The following NUMA1 variants were observed in gnomAD, a reference collection of about 807,000 sequenced individuals.
The protein encoded by NUMA1 is nuclear mitotic apparatus protein 1, also known as SP-H antigen.
A neutral mutation model predicts 237.1 loss-of-function variants in NUMA1; 62 were observed. The observed-to-expected ratio is 0.26, with a 90% CI of 0.21 to 0.32. The LOEUF (loss-of-function observed/expected upper bound fraction) is 0.32, where lower values mean the gene tolerates loss of function less well. Ranked by LOEUF, NUMA1 falls within the 10% of genes least tolerant of loss-of-function variation. NUMA1 has a pLI of 1.00. For missense variants in NUMA1, 2,533 were observed against 2,666.5 expected, an observed-to-expected ratio of 0.95 and a Z score of 1.10; for synonymous variants, 1,028 against 1,066.1, an observed-to-expected ratio of 0.96 and a Z score of 0.70.
At chr11:72,038,714 C>T (rs1276448792) in intron 2 of NUMA1, among the ~76,000 whole-genome samples, 4 of 151,996 alleles carry the variant, frequency 2.6e-5, no homozygotes, top group East Asian at 1.9e-4. Flanking sequence ...CAGATCCTTG[C>T]GATTGTAGCC....
chr11:72,009,079 C>T lies in NUMA1; in HGVS notation c.4946G>A (p.Arg1649Gln), dbSNP rs762537230. 8.1e-6 allele frequency: 13 copies of T among 1,613,526 alleles called. No individual in the cohort carries two copies. Among genetic ancestry groups the T allele is most frequent in the African/African-American group, 6.7e-5 (5 of 74,902 alleles). Reference sequence around the variant, plus strand: ...ATGGCCCAGCCGTTCAGCTTCAGCTCGCAGCTCTTTGTTTTCCTTCTGCAG... The same window carrying T: ...ATGGCCCAGCCGTTCAGCTTCAGCTTGCAGCTCTTTGTTTTCCTTCTGCAG... ...EQLQKENKEL[R>Q]AEAERLGHEL... Residue 1649 changes from arginine (R) to glutamine (Q), a missense_variant, in exon 19 of 27, where the codon CGA (arginine) becomes CAA (glutamine). Physicochemically the swap from Arg to Gln is conservative, Grantham distance 43. Coordinates refer to ENST00000393695, the MANE Select transcript of NUMA1 (RefSeq NM_006185.4).
At chr11:72,060,474 T>C (rs1942882221) in intron 2 of NUMA1, among the ~76,000 whole-genome samples, 1 of 151,974 alleles carries the variant, frequency 6.6e-6, no homozygotes, top group African/African-American at 2.4e-5. Context: ...CGAGATTCCA[T>C]CTCTACAAAA....
At chr11:72,008,392 A>G (rs927180471) in intron 20 of NUMA1, 1 of 443,992 alleles carries the variant, frequency 2.3e-6, no homozygotes. Context: ...CTCACATCTC[A>G]GCTTAGTCAG....
intron 3 of NUMA1, among the ~76,000 whole-genome samples, chr11:72,031,584 C>T (rs1257285520): frequency 1.3e-5 from 2 of 152,058 alleles, no homozygotes; most frequent in African/African-American, 4.8e-5. Flanking sequence ...TGCTTGAGGC[C>T]AGGAGTTCAA....
chr11:72,012,155 T>C (rs954055406), intron 16 of NUMA1: 1 of 501,370 alleles, frequency 2.0e-6, no homozygotes. Flanking sequence ...CCCTTGTCCC[T>C]GATAGGCAAA....
intron 2 of NUMA1, among the ~76,000 whole-genome samples, chr11:72,038,572 T>C (rs1941306140): frequency 1.3e-5 from 2 of 152,174 alleles, no homozygotes; most frequent in South Asian, 2.1e-4. Flanking sequence ...GTCTTCTACA[T>C]TGGGACTATA....
Position 72,009,441 on chromosome 11 carries a change from C to CT in NUMA1, c.4720-55dup, listed in dbSNP as rs1389108750. 2.0e-6 allele frequency: 3 copies of CT among 1,533,822 alleles called. No homozygotes were observed. In the African/African-American group the frequency reaches 4.1e-5, roughly 21 times the overall value. ...GGTCTGGCCGCTCTACCCAAGTCCG[C>CT]TTATCTGCACCAGCCACTGGGGCTC... On this transcript the variant is annotated intron_variant, in intron 17 of 26. Transcript: ENST00000393695.
At chr11:72,079,607 A>G (rs1943945369) in intron 1 of NUMA1, among the ~76,000 whole-genome samples, 1 of 152,208 alleles carries the variant, frequency 6.6e-6, no homozygotes, top group Admixed American at 6.5e-5. Context: ...AGGCGGCAGC[A>G]TCAACCCAGT....
chr11:72,022,322 G>C lies in NUMA1; in HGVS notation c.372+17C>G. ...TGGGCTAGGCCTGCTAGGTGGCATG[G>C]AGGCACAAGGGCTTACCTGAATTTT... On this transcript the variant is annotated intron_variant, in intron 7 of 26. Transcript: ENST00000393695. The C allele has an allele frequency of 1.9e-6, 3 of 1,585,208 alleles. No individual in the cohort carries two copies. Among genetic ancestry groups the C allele is most frequent in the Non-Finnish European group, 2.6e-6 (3 of 1,155,272 alleles).
In NUMA1 at chr11:72,005,540, C is replaced by T. The variant is rs1955627731; in HGVS notation, c.5693-171G>A. The stretch of plus-strand genomic sequence containing the variant: ...AGTACGGCACACAGACTATTTCTAT[C>T]CTAGGGGCTTGCTCACCACCTTCTC... On this transcript the variant is annotated intron_variant, in intron 22 of 26. Coordinates refer to ENST00000393695, the MANE Select transcript of NUMA1 (RefSeq NM_006185.4). The T allele has an allele frequency of 5.0e-6, 3 of 602,358 alleles. No individual in the cohort carries two copies. The African/African-American group carries it at 5.7e-5, about 12-fold the overall frequency. 37.3% of individuals were successfully genotyped at this position (602,358 alleles called of 1,614,324 possible).
rs1938192282 is a variant in NUMA1 at position 72,018,316 on chromosome 11, G to A, written c.861-16C>T. On this transcript the variant is annotated splice_polypyrimidine_tract_variant and intron_variant, in intron 11 of 26. Coordinates refer to ENST00000393695, the MANE Select transcript of NUMA1 (RefSeq NM_006185.4). ...CATGGTAAGGCTGCGAGGGAGGGAA[G>A]CAGTGAGAAGAGAGTATGGGTTCCT... The A allele has an allele frequency of 1.2e-6, 2 of 1,610,876 alleles. No individual in the cohort carries two copies. The highest frequency in any genetic ancestry group is 1.7e-6 in the Non-Finnish European group (2 of 1,176,974).
intron 2 of NUMA1, among the ~76,000 whole-genome samples, chr11:72,042,355 G>T (rs750606337): frequency 1.3e-5 from 2 of 152,202 alleles, no homozygotes; most frequent in Non-Finnish European, 2.9e-5. Flanking sequence ...TCCGCACTGA[G>T]GTAGGTTGTA....
intron 2 of NUMA1, among the ~76,000 whole-genome samples, chr11:72,057,872 A>G (rs2136120089): frequency 6.6e-6 from 1 of 151,560 alleles, no homozygotes; most frequent in South Asian, 2.1e-4. Flanking sequence ...GAGTTTGAGA[A>G]CAGCCTGGCC....
At chr11:72,073,534 T>C (rs1463152362) in intron 1 of NUMA1, among the ~76,000 whole-genome samples, 1 of 152,160 alleles carries the variant, frequency 6.6e-6, no homozygotes, top group Admixed American at 6.5e-5. Flanking sequence ...GTATATCATT[T>C]CAAATATGGA....
rs1278805344 is a variant in NUMA1, at chr11:72,014,544, C to T, written c.2959G>A (p.Ala987Thr). 11 of 1,602,200 alleles carry T rather than the reference C, an allele frequency of 6.9e-6. No homozygotes were observed. Among genetic ancestry groups the T allele is most frequent in the East Asian group, 2.2e-5 (1 of 44,882 alleles). ...TGCTGCCCCTGGCTCTCCATCAGCG[C>T]GGCCCGCAGCCGTTCCAGCTCATTG... ...MGNELERLRA[A>T]LMESQGQQQE... Residue 987 changes from alanine (A) to threonine (T), a missense_variant, in exon 15 of 27, where the codon GCG becomes ACG. Physicochemically the swap from Ala to Thr is moderately conservative, Grantham distance 58 (BLOSUM62 0). Transcript: ENST00000393695. This position sits in a 1 kb window ranked among gnomAD's most constrained non-coding sequence, Gnocchi z 4.6.
Position 72,014,418 on chromosome 11 carries a change from C to G in NUMA1, c.3085G>C (p.Glu1029Gln). The change falls in exon 15 of 27, where the codon GAG becomes CAG. Residue 1029 changes from glutamate to glutamine, a missense_variant. Coordinates refer to ENST00000393695, the MANE Select transcript of NUMA1 (RefSeq NM_006185.4). The surrounding 1 kb of genome is among the most constrained non-coding windows in gnomAD (Gnocchi z 4.6). Reference protein sequence around the residue: ...DLALEKAARAELEMRLQNALN... With the variant: ...DLALEKAARAQLEMRLQNALN... Reference sequence around the variant, plus strand: ...GCGTTCTGCAGCCGCATCTCAAGCTCTGCTCTGGCCGCCTTCTCCAGGGCA... The same window carrying G: ...GCGTTCTGCAGCCGCATCTCAAGCTGTGCTCTGGCCGCCTTCTCCAGGGCA... The G allele has an allele frequency of 6.2e-7, 1 of 1,609,042 alleles. No individual in the cohort carries two copies. Among genetic ancestry groups the G allele is most frequent in the Non-Finnish European group, 8.5e-7 (1 of 1,180,020 alleles).
In NUMA1 at chr11:72,004,278, T is replaced by G. The variant is rs1423453422; in HGVS notation, c.6070A>C (p.Lys2024Gln). 5 of 1,613,504 alleles carry G rather than the reference T, an allele frequency of 3.1e-6. No individual in the cohort carries two copies. The highest frequency in any genetic ancestry group is 1.7e-5 in the Admixed American group (1 of 59,712). ...MTPRDRHEGR[K>Q]QSTTEAQKKA... Reference sequence around the variant, plus strand: ...TTCTGGGCCTCAGTAGTGCTCTGTTTGCGCCCTTCATGTCGGTCTCGGGGA... The same window carrying G: ...TTCTGGGCCTCAGTAGTGCTCTGTTGGCGCCCTTCATGTCGGTCTCGGGGA... The change falls in exon 25 of 27, where the codon AAA (lysine) becomes CAA (glutamine). Residue 2024 changes from lysine to glutamine, a missense_variant. Lys to Gln is a moderately conservative substitution (Grantham distance 53). Around this residue, in one of 3 missense-constraint regions of NUMA1, gnomAD observed 795 missense variants for 750.8 expected, o/e 1.06. Coordinates refer to ENST00000393695, the MANE Select transcript of NUMA1 (RefSeq NM_006185.4).
At chr11:72,035,793 C>G (rs1940955909) in intron 3 of NUMA1, 109 bp downstream of exon 3, 1 of 977,774 alleles carries the variant, frequency 1.0e-6, no homozygotes, top group African/African-American at 1.6e-5. Context: ...ACTATTTAGT[C>G]TAGAAATGAG....
chr11:72,037,307 C>T (rs1941139026), intron 2 of NUMA1, among the ~76,000 whole-genome samples: 3 of 152,142 alleles, frequency 2.0e-5, no homozygotes, highest in Admixed American at 1.3e-4. Flanking sequence ...AGATCGAGAC[C>T]ATCCTGGCTA....
Sources: gnomAD v4.1 joint callset for allele counts (sites outside exome capture counted in the v4.1 genomes callset) on GRCh38, gnomAD v4.1.1 for gene constraint, gnomAD v4.1.1 regional missense constraint, Gnocchi (gnomAD v3.1) non-coding constraint, MANE v1.5 for transcripts, NCBI Gene and HGNC (gene_info 2026-07-23, HGNC 2026-07-21) for gene names.